The following HAPLN1 variants were observed in gnomAD, a reference collection of about 807,000 sequenced individuals.
The protein encoded by HAPLN1 is hyaluronan and proteoglycan link protein 1, also known as Cartilage link protein.
A neutral mutation model predicts 36.5 loss-of-function variants in HAPLN1; 13 were observed. The observed-to-expected ratio is 0.36, with a 90% CI of 0.23 to 0.57. HAPLN1 has a LOEUF of 0.57. Among genes scored for constraint, HAPLN1 ranks in the 20% least tolerant of loss-of-function variants. HAPLN1 has a pLI of 0.83. For synonymous variants in HAPLN1, 202 were observed against 169.8 expected, an observed-to-expected ratio of 1.19 and a Z score of -1.48; for missense variants, 407 against 439.7, an observed-to-expected ratio of 0.93 and a Z score of 0.66.
chr5:83,664,339 C>T (rs1750496587), intron 2 of HAPLN1, among the ~76,000 whole-genome samples: 1 of 132,394 alleles, frequency 7.6e-6, no homozygotes, highest in South Asian at 2.6e-4. Context: ...GCCATTGGGC[C>T]CACTGCCCCC....
At chr5:83,708,022 C>T (rs757045065) in intron 1 of HAPLN1, among the ~76,000 whole-genome samples, 2 of 152,238 alleles carry the variant, frequency 1.3e-5, no homozygotes, top group Admixed American at 1.3e-4. Flanking sequence ...GACACCATCT[C>T]ACACAGTCAG....
At chr5:83,679,203 A>T (rs1405283557) in intron 1 of HAPLN1, among the ~76,000 whole-genome samples, 1 of 152,208 alleles carries the variant, frequency 6.6e-6, no homozygotes, top group Non-Finnish European at 1.5e-5. Context: ...AAATCATTTA[A>T]AATGACTGCT....
chr5:83,663,719 C>A (rs1344925562), intron 2 of HAPLN1, among the ~76,000 whole-genome samples: 2 of 151,894 alleles, frequency 1.3e-5, no homozygotes, highest in African/African-American at 2.4e-5. Flanking sequence ...ATGCCAGACT[C>A]TAGCAGCTGA....
At chr5:83,648,354 T>A (rs1230289128) in intron 3 of HAPLN1, among the ~76,000 whole-genome samples, 2 of 142,552 alleles carry the variant, frequency 1.4e-5, no homozygotes, top group Non-Finnish European at 3.0e-5. Context: ...TGCTTGGTAC[T>A]CTAGGATATA....
chr5:83,706,125 C>G (rs1343074290), intron 1 of HAPLN1, among the ~76,000 whole-genome samples: 1 of 145,910 alleles, frequency 6.9e-6, no homozygotes, highest in Admixed American at 6.8e-5. Flanking sequence ...AAAACAAAAG[C>G]CCAGGGCCAA....
chr5:83,684,858 A>C (rs181107218), intron 1 of HAPLN1, among the ~76,000 whole-genome samples: 1 of 152,318 alleles, frequency 6.6e-6, no homozygotes, highest in East Asian at 1.9e-4. Flanking sequence ...AACTGTGTAC[A>C]AAGTACACAG....
intron 1 of HAPLN1, among the ~76,000 whole-genome samples, chr5:83,706,114 AAAAAC>A (rs1751643450): frequency 2.0e-5 from 3 of 151,508 alleles, no homozygotes; most frequent in African/African-American, 7.3e-5. Context: ...GAAAAAAAAA[AAAAAC>A]AAAAGCCCAG....
chr5:83,659,509 A>C (rs1750322002), intron 2 of HAPLN1, among the ~76,000 whole-genome samples: 2 of 151,934 alleles, frequency 1.3e-5, no homozygotes, highest in Admixed American at 1.3e-4. Flanking sequence ...GGCTTGGGAG[A>C]TTTTCACATG....
In HAPLN1 at chr5:83,644,533, A is replaced by AGCCCGCCCC. The variant is rs749578570; in HGVS notation, c.596_604dup (p.Arg199_Gly201dup). ...GAGCCAGCCGGCATTGCACCAGTCC[A>AGCCCGCCCC]GCCCGCCCCGCCAGGCGTCGTACAG... On this transcript the variant is annotated inframe_insertion, in exon 4 of 5. Transcript: ENST00000274341. 1.4e-5 allele frequency: 23 copies of AGCCCGCCCC among 1,610,702 alleles called. No individual in the cohort carries two copies. In the Admixed American group the frequency reaches 3.9e-4, roughly 27 times the overall value.
At chr5:83,666,273 T>G (rs1430269378) in intron 2 of HAPLN1, among the ~76,000 whole-genome samples, 1 of 152,150 alleles carries the variant, frequency 6.6e-6, no homozygotes, top group African/African-American at 2.4e-5. Flanking sequence ...ATCAACATGT[T>G]GAAATCACTG....
At chr5:83,666,560 T>G (rs1210219163) in intron 2 of HAPLN1, among the ~76,000 whole-genome samples, 2 of 152,182 alleles carry the variant, frequency 1.3e-5, no homozygotes, top group Admixed American at 1.3e-4. Context: ...GTTTTAATAG[T>G]TCACAGAATA....
chr5:83,700,556 A>T (rs1238097285), intron 1 of HAPLN1, among the ~76,000 whole-genome samples: 1 of 152,152 alleles, frequency 6.6e-6, no homozygotes, highest in Non-Finnish European at 1.5e-5. Flanking sequence ...ATACATAGTA[A>T]TATAAATTAA....
At chr5:83,657,806 A>T (rs1024728265) in intron 2 of HAPLN1, among the ~76,000 whole-genome samples, 8 of 135,454 alleles carry the variant, frequency 5.9e-5, no homozygotes, top group African/African-American at 1.2e-4. Flanking sequence ...AATAATAATT[A>T]AAAAAAAAAA....
At chr5:83,707,528 G>A (rs370290627) in intron 1 of HAPLN1, among the ~76,000 whole-genome samples, 14 of 152,098 alleles carry the variant, frequency 9.2e-5, no homozygotes, top group South Asian at 2.1e-4. Flanking sequence ...ATTGGCTAGC[G>A]ATATGCAGAA....
intron 1 of HAPLN1, among the ~76,000 whole-genome samples, chr5:83,693,464 G>A (rs1399494431): frequency 2.0e-5 from 3 of 151,858 alleles, no homozygotes; most frequent in Non-Finnish European, 4.4e-5. Context: ...AAATTAGCAA[G>A]ATAGTGGATT....
At chr5:83,702,921 AG>A (rs1250785381) in intron 1 of HAPLN1, among the ~76,000 whole-genome samples, 8 of 152,164 alleles carry the variant, frequency 5.3e-5, no homozygotes, top group African/African-American at 1.9e-4. Context: ...CATGTTGGCC[AG>A]GCTGGTCTTG....
chr5:83,680,472 G>A (rs565112461), intron 1 of HAPLN1, among the ~76,000 whole-genome samples: 1 of 152,200 alleles, frequency 6.6e-6, no homozygotes, highest in South Asian at 2.1e-4. Context: ...GCATGTTTCT[G>A]TAGGTATTCT....
intron 2 of HAPLN1, among the ~76,000 whole-genome samples, chr5:83,660,852 T>G (rs1332366082): frequency 6.6e-6 from 1 of 152,162 alleles, no homozygotes; most frequent in Admixed American, 6.5e-5. Context: ...ATCCCTGGGT[T>G]CTTGTGAGGG....
At chr5:83,719,783 C>T (rs889323374) in intron 1 of HAPLN1, among the ~76,000 whole-genome samples, 1 of 152,138 alleles carries the variant, frequency 6.6e-6, no homozygotes, top group Non-Finnish European at 1.5e-5. Flanking sequence ...TTACCAGAAA[C>T]TACAATTGTA....
Sources: gnomAD v4.1 joint callset for allele counts (sites outside exome capture counted in the v4.1 genomes callset) on GRCh38, gnomAD v4.1.1 for gene constraint, MANE v1.5 for transcripts, NCBI Gene and HGNC (gene_info 2026-07-23, HGNC 2026-07-21) for gene names.